The following EFCAB12 variants were observed in gnomAD, a reference collection of about 807,000 sequenced individuals.
EFCAB12 encodes EF-hand calcium-binding domain-containing protein 12.
Under a neutral mutation model 53.6 loss-of-function variants are expected in EFCAB12, and 43 were observed. That is an observed-to-expected ratio of 0.80 (90% CI 0.63 to 1.03). EFCAB12 has a LOEUF of 1.03. Ranked by LOEUF, EFCAB12 falls within the 50% of genes least tolerant of loss-of-function variation. EFCAB12 has a pLI of 0.00. For missense variants in EFCAB12, 646 were observed against 730.6 expected, an observed-to-expected ratio of 0.88 and a Z score of 1.34; for synonymous variants, 269 against 289.2, an observed-to-expected ratio of 0.93 and a Z score of 0.71.
chr3:129,405,632 C>T (rs1241968121), intron 6 of EFCAB12, among the ~76,000 whole-genome samples: 1 of 152,106 alleles, frequency 6.6e-6, no homozygotes, highest in East Asian at 1.9e-4. Flanking sequence ...AAGCTATATT[C>T]ACAGGGGAGG....
chr3:129,416,443 AAAC>A (rs2072116655), intron 3 of EFCAB12, among the ~76,000 whole-genome samples: 1 of 149,956 alleles, frequency 6.7e-6, no homozygotes, highest in African/African-American at 2.5e-5. Context: ...ACAAACAAAC[AAAC>A]AAAAAAATGA....
chr3:129,412,429 GATAGAT>G (rs2072055038), intron 4 of EFCAB12: 1 of 7,020 alleles, frequency 1.4e-4, no homozygotes, highest in South Asian at 3.1e-3. Flanking sequence ...TAGATGGATG[GATAGAT>G]AGATAGATAG....
In EFCAB12 at chr3:129,418,293, C is replaced by G. The variant is rs763291439; in HGVS notation, c.642G>C (p.Gln214His). ...CGATGAACTCCTCCCTGGTGATTCT[C>G]TGGTTCTCACCCTGGCCCACCTTGT... ...IFHKVGQGENQRITREEFIAA... is the reference protein window; with the variant it reads ...IFHKVGQGENHRITREEFIAA... Residue 214 changes from glutamine (Q) to histidine (H), a missense_variant, in exon 3 of 9, where the codon CAG becomes CAC. Gln to His is a conservative substitution (Grantham distance 24). Coordinates refer to ENST00000505956, the MANE Select transcript of EFCAB12 (RefSeq NM_207307.3). The G allele has an allele frequency of 1.2e-6, 2 of 1,613,122 alleles. No homozygotes were observed. The highest frequency in any genetic ancestry group is 1.7e-6 in the Non-Finnish European group (2 of 1,179,362).
chr3:129,404,448 C>G (rs1484471183), intron 6 of EFCAB12, 45 bp from the exon 7 acceptor site: 5 of 1,543,630 alleles, frequency 3.2e-6, no homozygotes, highest in Non-Finnish European at 4.4e-6. Context: ...ACCCAGACTG[C>G]CCATCCCTCC....
intron 4 of EFCAB12, chr3:129,412,385 C>T (rs914142240): frequency 1.8e-4 from 27 of 151,402 alleles, no homozygotes; most frequent in African/African-American, 6.3e-4. Flanking sequence ...ATAAGGAGAC[C>T]CCATTGCATG....
At chr3:129,424,711 G>T (rs970349122) in intron 1 of EFCAB12, among the ~76,000 whole-genome samples, 30 of 152,216 alleles carry the variant, frequency 2.0e-4, no homozygotes, top group African/African-American at 6.8e-4. Context: ...TTCATTCCCA[G>T]CAGGGGATGA....
intron 1 of EFCAB12, among the ~76,000 whole-genome samples, chr3:129,424,260 T>C (rs72986932): frequency 0.035 from 5,342 of 152,262 alleles, 297 homozygotes; most frequent in South Asian, 0.11. Context: ...AAAGTAAACA[T>C]CATGGTATGG....
At chr3:129,426,370 T>TG (rs200110588) in intron 1 of EFCAB12, among the ~76,000 whole-genome samples, 9,685 of 138,896 alleles carry the variant, frequency 0.07, 937 homozygotes, top group East Asian at 0.39. Context: ...TTTTTTTTTT[T>TG]TTTTTTTTTT....
chr3:129,411,341 G>A lies in EFCAB12; in HGVS notation c.852C>T (p.Ala284=), dbSNP rs757780689. The change falls in exon 5 of 9, where the codon GCC becomes GCT. Residue 284 remains alanine (A), a synonymous_variant. Transcript: ENST00000505956. ...GACCCTTCAGGGAATCTCTGTGCTT[G>A]GCCAAGATATAATCTGGAGTCAGAG... ...LATAREHYIL[A]KHRDSLKGPL... 6.3e-6 allele frequency: 10 copies of A among 1,583,512 alleles called. No individual in the cohort carries two copies. Among genetic ancestry groups the A allele is most frequent in the Non-Finnish European group, 7.7e-6 (9 of 1,161,876 alleles).
chr3:129,421,544 C>G lies in EFCAB12; in HGVS notation c.309G>C (p.Lys103Asn). 1.2e-6 allele frequency: 2 copies of G among 1,614,044 alleles called. No individual in the cohort carries two copies. Among genetic ancestry groups the G allele is most frequent in the East Asian group, 4.5e-5 (2 of 44,880 alleles). ...GCTTCGACCTCTGGCTCAGCCAGGT[C>G]TTCCTGTCCTCTGGCTGCTCTTGGA... ...RDIQEQPEDR[K>N]TWLSQRSKLR... Residue 103 changes from lysine to asparagine, a missense_variant, in exon 2 of 9, where the codon AAG becomes AAC. Lys to Asn is a moderately conservative substitution (Grantham distance 94). Coordinates refer to ENST00000505956, the MANE Select transcript of EFCAB12 (RefSeq NM_207307.3).
rs758460651 is a variant in EFCAB12 at position 129,428,510 on chromosome 3, T to A, written c.-22A>T. 4 of 1,609,516 alleles carry A rather than the reference T, an allele frequency of 2.5e-6. No homozygotes were observed. The African/African-American group carries it at 5.3e-5, about 22-fold the overall frequency. ...CCATGGTCGTGGTGCTGGGAGGGGG[T>A]GCTGAAGGGCGTGTGTGAATGTGTG... On this transcript the variant is annotated 5_prime_UTR_variant, in exon 1 of 9. Transcript: ENST00000505956.
In EFCAB12 at chr3:129,421,546, T is replaced by C; in HGVS notation, c.307A>G (p.Lys103Glu). 5 of 1,614,044 alleles carry C rather than the reference T, an allele frequency of 3.1e-6. No homozygotes were observed. The highest frequency in any genetic ancestry group is 4.2e-6 in the Non-Finnish European group (5 of 1,179,896). The change falls in exon 2 of 9, where the codon AAG (lysine) becomes GAG (glutamate). Residue 103 changes from lysine to glutamate, a missense_variant. Physicochemically the swap from Lys to Glu is moderately conservative, Grantham distance 56 (BLOSUM62 1). Coordinates refer to ENST00000505956, the MANE Select transcript of EFCAB12 (RefSeq NM_207307.3). ...TTCGACCTCTGGCTCAGCCAGGTCT[T>C]CCTGTCCTCTGGCTGCTCTTGGATA... ...RDIQEQPEDR[K>E]TWLSQRSKLR... is the part of the protein sequence containing the mutation.
Position 129,415,399 on chromosome 3 carries a change from G to C in EFCAB12, c.684C>G (p.Val228=). ...REEFIAAVKA[V]GVPLKNQEVE... ...CCTCTTGGTTCTTCAGAGGGACTCC[G>C]ACCTGAGGAGAGAGAAGACCTTCAG... The change falls in exon 4 of 9, where the codon GTC becomes GTG. Residue 228 remains valine (V), a splice_region_variant and synonymous_variant. Transcript: ENST00000505956. 6.2e-7 allele frequency: 1 copy of C among 1,613,288 alleles called. No individual in the cohort carries two copies. The highest frequency in any genetic ancestry group is 8.5e-7 in the Non-Finnish European group (1 of 1,179,734).
chr3:129,402,539 A>G lies in EFCAB12; in HGVS notation c.1444T>C (p.Phe482Leu). 6.2e-7 allele frequency: 1 copy of G among 1,612,736 alleles called. No individual in the cohort carries two copies. The highest frequency in any genetic ancestry group is 1.1e-5 in the South Asian group (1 of 90,792). ...GCCACAGACCTGGTAAATTCCTCAA[A>G]CTCCTTAAAGCGCATTTTCTTGCTT... ...KKSKKMRFKEFEEFTRKLKVK... is the reference protein window; with the variant it reads ...KKSKKMRFKELEEFTRKLKVK... Residue 482 changes from phenylalanine (F) to leucine (L), a missense_variant, in exon 8 of 9, where the codon TTT (phenylalanine) becomes CTT (leucine). Transcript: ENST00000505956.
chr3:129,410,955 G>C (rs1559786297), intron 5 of EFCAB12, among the ~76,000 whole-genome samples: 1 of 152,174 alleles, frequency 6.6e-6, no homozygotes, highest in Non-Finnish European at 1.5e-5. Context: ...TTCAGAAACA[G>C]GATCTTACTA....
chr3:129,405,351 A>T (rs2071934835), intron 6 of EFCAB12, among the ~76,000 whole-genome samples: 1 of 152,156 alleles, frequency 6.6e-6, no homozygotes, highest in South Asian at 2.1e-4. Flanking sequence ...GGGGGTTGGG[A>T]AGGGGCTGTG....
rs1199761549 is a variant in EFCAB12, at chr3:129,408,861, G to C, written c.1036-3C>G. The C allele has an allele frequency of 6.4e-7, 1 of 1,563,210 alleles. No homozygotes were observed. Among genetic ancestry groups the C allele is most frequent in the Non-Finnish European group, 8.7e-7 (1 of 1,154,070 alleles). Reference sequence around the variant, plus strand: ...TACTGGATGGAGGGGATCGTGAGCTGCGAAGGAAGCAGAAAGGGGCTCGCC... The same window carrying C: ...TACTGGATGGAGGGGATCGTGAGCTCCGAAGGAAGCAGAAAGGGGCTCGCC... On this transcript the variant is annotated splice_polypyrimidine_tract_variant and splice_region_variant and intron_variant, in intron 5 of 8. Transcript: ENST00000505956.
chr3:129,405,535 AC>A (rs59787063), intron 6 of EFCAB12, among the ~76,000 whole-genome samples: 18,082 of 152,260 alleles, frequency 0.12, 1,300 homozygotes, highest in African/African-American at 0.19. Context: ...ACAACAGCCA[AC>A]TCAGGCTGGG....
rs190027972 is a variant in EFCAB12, at chr3:129,405,322, G to C, written c.1250-919C>G. Among the ~76,000 whole-genome samples, 1,355 of 152,282 alleles carry C rather than the reference G, an allele frequency of 8.9e-3. 8 individuals carry two copies. Among genetic ancestry groups the C allele is most frequent in the South Asian group, 0.029 (141 of 4,820 alleles). The stretch of plus-strand genomic sequence containing the variant: ...AAAGTGATGGAAGTTACGCTCCAGC[G>C]AGTTAATGTTGGTTATTTGGGGGTT... On this transcript the variant is annotated intron_variant, in intron 6 of 8. Transcript: ENST00000505956.
Sources: allele counts gnomAD v4.1 joint callset (sites outside exome capture counted in the v4.1 genomes callset), GRCh38; gene constraint gnomAD v4.1.1; transcripts MANE v1.5; gene names NCBI Gene and HGNC (gene_info 2026-07-23, HGNC 2026-07-21).